The following RAPGEF4 variants were observed in gnomAD, a reference collection of about 807,000 sequenced individuals.
The protein encoded by RAPGEF4 is Rap guanine nucleotide exchange factor 4.
A neutral mutation model predicts 147.9 loss-of-function variants in RAPGEF4; 66 were observed. That is an observed-to-expected ratio of 0.45 (90% confidence interval 0.37 to 0.55). The LOEUF is 0.55. RAPGEF4 is among the 20% of genes least tolerant of loss of function. The pLI is 0.00. For missense variants in RAPGEF4, 1,071 were observed against 1,257.3 expected (o/e 0.85, Z 2.24); for synonymous variants, 419 against 442.7 (o/e 0.95, Z 0.67).
At chr2:172,912,815 G>A (rs1683579361) in intron 4 of RAPGEF4, among the ~76,000 whole-genome samples, 1 of 151,254 alleles carries the variant, frequency 6.6e-6, no homozygotes, top group African/African-American at 2.4e-5. Flanking sequence ...GCAGGCATCA[G>A]TTTTGCTCAA....
chr2:172,936,105 A>G (rs2150111747), intron 6 of RAPGEF4, among the ~76,000 whole-genome samples: 1 of 152,332 alleles, frequency 6.6e-6, no homozygotes, highest in South Asian at 2.1e-4. Flanking sequence ...AATCTTCCTC[A>G]TGCCTGTAAT....
rs1409198874 is a variant in RAPGEF4, at chr2:173,017,501, G to A, written c.2005G>A (p.Glu669Lys). 1 of 1,612,376 alleles carries A rather than the reference G, an allele frequency of 6.2e-7. No individual in the cohort carries two copies. The highest frequency in any genetic ancestry group is 2.2e-5 in the East Asian group (1 of 44,896). The part of the protein sequence containing the change: ...QKRQPIRGSD[E>K]VLFKVYCMDH... ...GCGCCAGCCTATCCGCGGCTCTGAT[G>A]AAGGTGAGAACCCTCTTCCAACTAA... Residue 669 changes from glutamate to lysine, a missense_variant, in exon 21 of 31, where the codon GAA becomes AAA. Glu to Lys is a moderately conservative substitution (Grantham distance 56). Transcript: ENST00000397081.
Position 173,008,528 on chromosome 2 carries a change from A to C in RAPGEF4, c.1659-5936A>C, listed in dbSNP as rs144281231. 5.8e-4 allele frequency among the ~76,000 whole-genome samples: 89 copies of C among 152,322 alleles called. No homozygotes were observed. In the East Asian group the frequency reaches 0.015, roughly 26 times the overall value. ...AGTTTGTTTTCAGCTGCAAGCAGAG[A>C]TCTTGTATGCAAAGCAGGGTTTTAA... On this transcript the variant is annotated intron_variant, in intron 17 of 30. Transcript: ENST00000397081.
chr2:172,817,151 GTA>G (rs2149612358), intron 4 of RAPGEF4, among the ~76,000 whole-genome samples: 1 of 152,264 alleles, frequency 6.6e-6, no homozygotes, highest in African/African-American at 2.4e-5. Context: ...GTATATGTAT[GTA>G]TGTGGATATA....
chr2:172,737,318 T>A (rs1693883535), intron 1 of RAPGEF4, among the ~76,000 whole-genome samples: 1 of 152,192 alleles, frequency 6.6e-6, no homozygotes, highest in African/African-American at 2.4e-5. Context: ...GTAGAAGAAC[T>A]AAGAGTATTT....
intron 4 of RAPGEF4, among the ~76,000 whole-genome samples, chr2:172,856,062 C>G (rs766209848): frequency 6.6e-6 from 1 of 151,956 alleles, no homozygotes; most frequent in Non-Finnish European, 1.5e-5. Flanking sequence ...TTTTTTCTGT[C>G]TATTCTCTGT....
chr2:173,009,168 G>A (rs1694777975), intron 17 of RAPGEF4, among the ~76,000 whole-genome samples: 1 of 152,174 alleles, frequency 6.6e-6, no homozygotes, highest in Admixed American at 6.5e-5. Flanking sequence ...AATTCTTTAT[G>A]AATTTATTTA....
At chr2:173,010,264 T>C (rs1183943103) in intron 17 of RAPGEF4, among the ~76,000 whole-genome samples, 1 of 152,232 alleles carries the variant, frequency 6.6e-6, no homozygotes, top group African/African-American at 2.4e-5. Flanking sequence ...TTTAAAATAC[T>C]AATTCAGTAA....
In RAPGEF4 at chr2:173,052,618, T is replaced by C. The variant is rs1034818280; in HGVS notation, c.*851T>C. On this transcript the variant is annotated 3_prime_UTR_variant, in exon 31 of 31. Transcript: ENST00000397081. Reference sequence around the variant, plus strand: ...TGAAAACATATTTTCTGGACTTAAATGTTATTACAAATATCTTAATTTTCA... The same window carrying C: ...TGAAAACATATTTTCTGGACTTAAACGTTATTACAAATATCTTAATTTTCA... 4 of 152,656 alleles carry C rather than the reference T, an allele frequency of 2.6e-5. No homozygotes were observed. The East Asian group carries it at 7.7e-4, about 29-fold the overall frequency. 9.5% of individuals were successfully genotyped at this position (152,656 alleles called of 1,614,324 possible). A position where few individuals can be genotyped will look rare whatever the true frequency, so the allele number is the denominator to read the frequency against.
chr2:172,815,893 A>G (rs1285847504), intron 4 of RAPGEF4, among the ~76,000 whole-genome samples: 1 of 152,202 alleles, frequency 6.6e-6, no homozygotes, highest in Non-Finnish European at 1.5e-5. Context: ...AATAGACAGA[A>G]AAATCAAAAA....
intron 3 of RAPGEF4, among the ~76,000 whole-genome samples, chr2:172,805,067 G>T (rs1574895928): frequency 1.3e-5 from 2 of 152,306 alleles, no homozygotes; most frequent in South Asian, 2.1e-4. Flanking sequence ...ATGGATTCCT[G>T]CTGAGCAGGG....
intron 1 of RAPGEF4, among the ~76,000 whole-genome samples, chr2:172,778,381 T>C (rs1453305215): frequency 1.3e-5 from 2 of 152,206 alleles, no homozygotes; most frequent in African/African-American, 4.8e-5. Context: ...TCTTCTCCAA[T>C]GTATCTACAT....
intron 6 of RAPGEF4, among the ~76,000 whole-genome samples, chr2:172,957,219 G>T (rs776341892): frequency 2.6e-5 from 4 of 152,192 alleles, no homozygotes; most frequent in Non-Finnish European, 4.4e-5. Flanking sequence ...GAGCTGGCTT[G>T]CTTTCTTTGT....
chr2:172,807,753 A>G (rs1249385759), intron 3 of RAPGEF4, among the ~76,000 whole-genome samples: 1 of 152,204 alleles, frequency 6.6e-6, no homozygotes, highest in Non-Finnish European at 1.5e-5. Flanking sequence ...GCAACATAGC[A>G]AGACCTCATC....
intron 4 of RAPGEF4, among the ~76,000 whole-genome samples, chr2:172,854,330 A>G (rs1693176603): frequency 6.6e-6 from 1 of 151,822 alleles, no homozygotes; most frequent in Non-Finnish European, 1.5e-5. Flanking sequence ...TATAAAATTC[A>G]TCTCTTTTGT....
intron 1 of RAPGEF4, among the ~76,000 whole-genome samples, chr2:172,760,002 G>A (rs949454493): frequency 6.6e-6 from 1 of 152,144 alleles, no homozygotes; most frequent in Non-Finnish European, 1.5e-5. Flanking sequence ...ATCCCAGGCT[G>A]GATATTGACA....
chr2:173,041,152 G>A lies in RAPGEF4; in HGVS notation c.2853+4460G>A, dbSNP rs1684713535. On this transcript the variant is annotated intron_variant, in intron 29 of 30. Transcript: ENST00000397081. The stretch of plus-strand genomic sequence containing the variant: ...AAATGTTTTGAATCCTTTTATTTTT[G>A]TATCACTAAGCATGTCATTACATAA... 2.0e-5 allele frequency among the ~76,000 whole-genome samples: 3 copies of A among 152,132 alleles called. No individual in the cohort carries two copies. In the South Asian group the frequency reaches 6.2e-4, roughly 32 times the overall value.
At chr2:173,040,814 G>A (rs1030523865) in intron 29 of RAPGEF4, among the ~76,000 whole-genome samples, 1 of 152,012 alleles carries the variant, frequency 6.6e-6, no homozygotes, top group Non-Finnish European at 1.5e-5. Flanking sequence ...TTTTATTTGG[G>A]GGGAACATAA....
intron 5 of RAPGEF4, among the ~76,000 whole-genome samples, chr2:172,919,474 C>T (rs557422296): frequency 6.6e-6 from 1 of 152,242 alleles, no homozygotes; most frequent in African/African-American, 2.4e-5. Context: ...ACTGTGTTAT[C>T]CTGGCTTCCT....
Sources: allele counts gnomAD v4.1 joint callset (sites outside exome capture counted in the v4.1 genomes callset), GRCh38; gene constraint gnomAD v4.1.1; transcripts MANE v1.5; gene names NCBI Gene and HGNC (gene_info 2026-07-23, HGNC 2026-07-21).